DMD: variants seen among roughly 807,000 people sequenced by gnomAD.
DMD encodes dystrophin.
A neutral mutation model predicts 330.1 loss-of-function variants in DMD; 63 were observed. That is an observed-to-expected ratio of 0.19 (90% CI 0.16 to 0.24). The LOEUF is 0.24. DMD is among the 10% of genes least tolerant of loss of function. DMD has a pLI of 1.00. For synonymous variants in DMD, 1,223 were observed against 959.8 expected, an observed-to-expected ratio of 1.27 and a Z score of -5.07; for missense variants, 3,344 against 2,684.1, an observed-to-expected ratio of 1.25 and a Z score of -5.43.
intron 62 of DMD, among the ~76,000 whole-genome samples, chrX:31,295,181 G>C (rs959026718): frequency 1.8e-5 from 2 of 109,480 alleles, no homozygotes; most frequent in African/African-American, 6.7e-5. Context: ...ATTTTTAGTA[G>C]AGACTGGGTT....
At chrX:32,022,131 A>T (rs1478717340) in intron 44 of DMD, among the ~76,000 whole-genome samples, 3 of 111,869 alleles carry the variant, frequency 2.7e-5, no homozygotes, top group Non-Finnish European at 1.9e-5. Flanking sequence ...CATATACAGA[A>T]TCACTTTTTT....
chrX:33,070,579 A>G (rs367609705), intron 1 of DMD, among the ~76,000 whole-genome samples: 1 of 105,716 alleles, frequency 9.5e-6, no homozygotes, highest in African/African-American at 3.4e-5. Context: ...TTATTTTTGT[A>G]TAATTAAAAA....
chrX:31,913,616 C>T (rs1232594254), intron 47 of DMD, among the ~76,000 whole-genome samples: 1 of 111,065 alleles, frequency 9.0e-6, no homozygotes, highest in East Asian at 2.8e-4. Context: ...AAATTATTAG[C>T]AGAGATAGTG....
At chrX:33,308,424 C>G (rs1053670986) in intron 1 of DMD, among the ~76,000 whole-genome samples, 13 of 112,086 alleles carry the variant, frequency 1.2e-4, no homozygotes, top group African/African-American at 4.2e-4. Flanking sequence ...AATTAATCGT[C>G]TAACTTTAAA....
chrX:32,482,314 T>A (rs1459027536), intron 21 of DMD, among the ~76,000 whole-genome samples: 1 of 111,105 alleles, frequency 9.0e-6, no homozygotes, highest in Non-Finnish European at 1.9e-5. Context: ...CACCCCCTCA[T>A]CCTCCCAGAC....
intron 1 of DMD, among the ~76,000 whole-genome samples, chrX:33,141,948 T>C (rs1052735745): frequency 4.2e-4 from 47 of 112,638 alleles, no homozygotes; most frequent in African/African-American, 1.5e-3. Context: ...AAATTTCTTG[T>C]GTGTATATAT....
intron 52 of DMD, among the ~76,000 whole-genome samples, chrX:31,703,242 C>T (rs191912770): frequency 2.5e-4 from 28 of 112,366 alleles, no homozygotes; most frequent in African/African-American, 7.4e-4. Context: ...TCTTTTATAA[C>T]GTGGCCTTTG....
intron 47 of DMD, among the ~76,000 whole-genome samples, chrX:31,885,829 T>G: frequency 9.0e-6 from 1 of 110,502 alleles, no homozygotes. Context: ...TGAATATTAA[T>G]ATGAATATTT....
chrX:32,856,546 G>T (rs2081578809), intron 2 of DMD, among the ~76,000 whole-genome samples: 1 of 112,086 alleles, frequency 8.9e-6, no homozygotes, highest in East Asian at 2.8e-4. Flanking sequence ...TGTATTAAGT[G>T]AAATAAGCCA....
intron 44 of DMD, among the ~76,000 whole-genome samples, chrX:32,162,615 T>TC (rs1557184894): frequency 1.1e-5 from 1 of 94,541 alleles, no homozygotes; most frequent in African/African-American, 4.7e-5. Context: ...TTTTTTTTTT[T>TC]TGAGGCGGAG....
chrX:33,250,993 C>T (rs1219276828), intron 1 of DMD, among the ~76,000 whole-genome samples: 1 of 110,762 alleles, frequency 9.0e-6, no homozygotes, highest in Non-Finnish European at 1.9e-5. Flanking sequence ...TATATATTTT[C>T]TGGCTGACTA....
chrX:31,736,727 G>A (rs930021157), intron 51 of DMD, among the ~76,000 whole-genome samples: 10 of 110,861 alleles, frequency 9.0e-5, no homozygotes, highest in Non-Finnish European at 1.9e-4. Context: ...TAATGCTAAC[G>A]ACAACAACAA....
intron 30 of DMD, among the ~76,000 whole-genome samples, chrX:32,406,469 T>C (rs2098117668): frequency 9.0e-6 from 1 of 110,728 alleles, no homozygotes; most frequent in South Asian, 3.8e-4. Flanking sequence ...TGAGGGGTAG[T>C]TGAATATTGT....
chrX:32,464,884 C>T (rs757137905), intron 23 of DMD, among the ~76,000 whole-genome samples, 185 bp from the exon 24 acceptor site: 123 of 112,005 alleles, frequency 1.1e-3, no homozygotes, highest in Non-Finnish European at 2.0e-3. Flanking sequence ...TGTATGAGCA[C>T]TGGTGTGTGA....
intron 60 of DMD, among the ~76,000 whole-genome samples, chrX:31,405,083 C>T (rs963439485): frequency 2.7e-5 from 3 of 111,526 alleles, no homozygotes; most frequent in African/African-American, 9.8e-5. Flanking sequence ...CTTAGAAATC[C>T]GGAGAGTTCT....
chrX:32,178,608 C>A (rs2096914447), intron 44 of DMD, among the ~76,000 whole-genome samples: 1 of 109,990 alleles, frequency 9.1e-6, no homozygotes, highest in Non-Finnish European at 1.9e-5. Context: ...CCTACATTGC[C>A]CCATTTCCTC....
intron 41 of DMD, among the ~76,000 whole-genome samples, chrX:32,315,803 A>G (rs771553748): frequency 6.3e-5 from 7 of 111,750 alleles, no homozygotes; most frequent in East Asian, 2.8e-4. Flanking sequence ...ATTTTCACCT[A>G]TCTTTCAAAG....
chrX:32,056,974 C>T (rs62589984), intron 44 of DMD, among the ~76,000 whole-genome samples: 11,276 of 110,937 alleles, frequency 0.1, 523 homozygotes, highest in South Asian at 0.19. Context: ...TTTATGAAAA[C>T]TAATCAGTGT....
chrX:32,121,650 TA>T (rs2096636405), intron 44 of DMD, among the ~76,000 whole-genome samples: 1 of 85,612 alleles, frequency 1.2e-5, no homozygotes, highest in African/African-American at 4.4e-5. Context: ...TATATATATA[TA>T]TATATATATA....
Sources: gnomAD v4.1 joint callset for allele counts (sites outside exome capture counted in the v4.1 genomes callset) on GRCh38, gnomAD v4.1.1 for gene constraint, MANE v1.5 for transcripts, NCBI Gene and HGNC (gene_info 2026-07-23, HGNC 2026-07-21) for gene names.